The following EPAS1 variants were observed in gnomAD, a reference collection of about 807,000 sequenced individuals.
EPAS1 encodes the protein endothelial PAS domain protein 1.
EPAS1 carries 23 observed loss-of-function variants against 87.9 expected under a neutral mutation model. That is an observed-to-expected ratio of 0.26 (90% CI 0.19 to 0.37). EPAS1 has a LOEUF of 0.37. Among genes scored for constraint, EPAS1 ranks in the 10% least tolerant of loss-of-function variants. The pLI is 1.00. For synonymous variants in EPAS1, 508 were observed against 444.3 expected (o/e 1.14, Z -1.80); for missense variants, 1,138 against 1,120.7 (o/e 1.02, Z -0.22).
In EPAS1 at chr2:46,299,589, G is replaced by T. The variant is rs142105585; in HGVS notation, c.26+1652G>T. 1.7e-4 allele frequency among the ~76,000 whole-genome samples: 26 copies of T among 152,218 alleles called. 1 individual carries two copies. The highest frequency in any genetic ancestry group is 6.3e-4 in the African/African-American group (26 of 41,432). ...GCCTGCAGACGCTTTCGGGTCCGGA[G>T]CCGGGGAGGGAACTTGTGTATTTTA... On this transcript the variant is annotated intron_variant, in intron 1 of 15. Coordinates refer to ENST00000263734, the MANE Select transcript of EPAS1 (RefSeq NM_001430.5).
intron 15 of EPAS1, among the ~76,000 whole-genome samples, chr2:46,384,276 G>T (rs1441321999): frequency 6.6e-6 from 1 of 152,168 alleles, no homozygotes; most frequent in African/African-American, 2.4e-5. Context: ...TACCTGTGCT[G>T]CAGCCCGCAC....
At chr2:46,320,925 C>A (rs4953340) in intron 1 of EPAS1, among the ~76,000 whole-genome samples, 6 of 151,930 alleles carry the variant, frequency 3.9e-5, no homozygotes, top group African/African-American at 1.2e-4. Flanking sequence ...ATTTTTAAGC[C>A]TGCAATTCAA....
In EPAS1 at chr2:46,346,525, C is replaced by G. The variant is rs1238964517; in HGVS notation, c.27-348C>G. On this transcript the variant is annotated intron_variant, in intron 1 of 15. Transcript: ENST00000263734. This position sits in a 1 kb window ranked among gnomAD's most constrained non-coding sequence, Gnocchi z 4.0. ...AGCTTCCTTACCCTTCTCTTTCCAT[C>G]CCTGGACATTCACCCCTATCCCCAG... Among the ~76,000 whole-genome samples the G allele has an allele frequency of 1.3e-5, 2 of 152,224 alleles. No homozygotes were observed. Among genetic ancestry groups the G allele is most frequent in the African/African-American group, 4.8e-5 (2 of 41,456 alleles).
chr2:46,349,071 T>C (rs562447968), intron 2 of EPAS1, among the ~76,000 whole-genome samples: 47 of 152,088 alleles, frequency 3.1e-4, no homozygotes, highest in Middle Eastern at 3.4e-3. Flanking sequence ...AAAACAGACA[T>C]GGGACAGCAA....
rs998183288 is a variant in EPAS1, at chr2:46,300,004, C to G, written c.26+2067C>G. 1.3e-5 allele frequency among the ~76,000 whole-genome samples: 2 copies of G among 152,232 alleles called. No homozygotes were observed. Among genetic ancestry groups the G allele is most frequent in the East Asian group, 3.8e-4 (2 of 5,200 alleles). ...CGCGAGGGTGTCCGCCCTCTTCGAC[C>G]TGCCTGGATTTTTGTGCTGCAGAAT... On this transcript the variant is annotated intron_variant, in intron 1 of 15. Coordinates refer to ENST00000263734, the MANE Select transcript of EPAS1 (RefSeq NM_001430.5). This position sits in a 1 kb window ranked among gnomAD's most constrained non-coding sequence, Gnocchi z 4.1.
intron 1 of EPAS1, among the ~76,000 whole-genome samples, chr2:46,315,804 C>T (rs1163327245): frequency 2.6e-5 from 4 of 152,188 alleles, no homozygotes; most frequent in Non-Finnish European, 5.9e-5. Flanking sequence ...GGGGCAGAGC[C>T]CCCTCAAATT....
chr2:46,379,701 GA>G (rs992756399), intron 11 of EPAS1: 1 of 180,944 alleles, frequency 5.5e-6, no homozygotes, highest in African/African-American at 2.4e-5. Context: ...CTGCTGATTG[GA>G]ACCAAAGTCT....
At chr2:46,302,696 G>A (rs572373482) in intron 1 of EPAS1, among the ~76,000 whole-genome samples, 5 of 141,766 alleles carry the variant, frequency 3.5e-5, no homozygotes, top group South Asian at 4.6e-4. Context: ...AGAAATAGGG[G>A]ATATGGTCCT....
chr2:46,360,927 C>T lies in EPAS1; in HGVS notation c.616C>T (p.Pro206Ser). The change falls in exon 6 of 16, where the codon CCT (proline) becomes TCT (serine). Residue 206 changes from proline to serine, a missense_variant. Physicochemically the swap from Pro to Ser is moderately conservative, Grantham distance 74 (BLOSUM62 -1). Coordinates refer to ENST00000263734, the MANE Select transcript of EPAS1 (RefSeq NM_001430.5). This position sits in a 1 kb window ranked among gnomAD's most constrained non-coding sequence, Gnocchi z 4.5. The part of the protein sequence containing the change: ...TGQVKVYNNC[P>S]PHNSLCGYKE... ...CCAGGTGAAAGTCTACAACAACTGCCCTCCTCACAATAGTCTGTGTGGCTA... is the reference window on the plus strand; with the variant it reads ...CCAGGTGAAAGTCTACAACAACTGCTCTCCTCACAATAGTCTGTGTGGCTA... 2 of 1,614,214 alleles carry T rather than the reference C, an allele frequency of 1.2e-6. No individual in the cohort carries two copies. Among genetic ancestry groups the T allele is most frequent in the Non-Finnish European group, 8.5e-7 (1 of 1,180,042 alleles).
chr2:46,319,484 TATC>T (rs1683412327), intron 1 of EPAS1, among the ~76,000 whole-genome samples: 2 of 152,266 alleles, frequency 1.3e-5, no homozygotes, highest in Admixed American at 6.5e-5. Context: ...TTAAAGAAAG[TATC>T]ATTCAGATTT....
At chr2:46,299,074 G>A (rs895036998) in intron 1 of EPAS1, among the ~76,000 whole-genome samples, 1 of 152,250 alleles carries the variant, frequency 6.6e-6, no homozygotes, top group African/African-American at 2.4e-5. Flanking sequence ...GCGAGGATGA[G>A]GAGGACCGAC....
In EPAS1 at chr2:46,356,139, C is replaced by CA. The variant is rs61586942; in HGVS notation, c.218-12_218-11insA. ...CATTCATGCAAGCTGTCCCACCCCC[C>CA]CCCCTTTCCAGTTTGCTCTGAAAAC... On this transcript the variant is annotated splice_polypyrimidine_tract_variant and intron_variant, in intron 2 of 15. Transcript: ENST00000263734. 6.8e-5 allele frequency: 92 copies of CA among 1,354,430 alleles called. No individual in the cohort carries two copies. In the Admixed American group the frequency reaches 1.0e-3, roughly 15 times the overall value. 83.9% of individuals were successfully genotyped at this position (1,354,430 alleles called of 1,614,324 possible). A position where few individuals can be genotyped will look rare whatever the true frequency, so the allele number is the denominator to read the frequency against.
intron 1 of EPAS1, among the ~76,000 whole-genome samples, chr2:46,303,967 C>A (rs764797974): frequency 5.9e-5 from 9 of 152,232 alleles, no homozygotes; most frequent in African/African-American, 1.9e-4. Context: ...ACCTACATGT[C>A]TGCCCTCAGT....
Position 46,380,071 on chromosome 2 carries a change from G to A in EPAS1, c.1555-156G>A, listed in dbSNP as rs187599479. 2.5e-6 allele frequency: 3 copies of A among 1,216,712 alleles called. No individual in the cohort carries two copies. The East Asian group carries it at 7.0e-5, about 28-fold the overall frequency. 75.4% of individuals were successfully genotyped at this position (1,216,712 alleles called of 1,614,324 possible). The stretch of plus-strand genomic sequence containing the variant: ...GTGTACATGACACAGCCAAGTCTGA[G>A]GTTTTCCTGATAGGCCCTCGGGAGC... On this transcript the variant is annotated intron_variant, in intron 11 of 15. Transcript: ENST00000263734. This position sits in a 1 kb window ranked among gnomAD's most constrained non-coding sequence, Gnocchi z 4.4.
rs368272792 is a variant in EPAS1 at position 46,377,956 on chromosome 2, T to C, written c.1312T>C (p.Trp438Arg). 12 of 1,562,750 alleles carry C rather than the reference T, an allele frequency of 7.7e-6. No individual in the cohort carries two copies. Among genetic ancestry groups the C allele is most frequent in the Admixed American group, 1.9e-5 (1 of 52,820 alleles). ...GGCCATCCTGCCCCCGAGCCAGCCA[T>C]GGGCCACGGAGTTGAGGAGCCACAG... ...GKAILPPSQP[W>R]ATELRSHSTQ... The change falls in exon 10 of 16, where the codon TGG becomes CGG. Residue 438 changes from tryptophan (W) to arginine (R), a missense_variant. Around this residue, in one of 4 missense-constraint regions of EPAS1, gnomAD observed 284 missense variants for 258.4 expected, o/e 1.10. Transcript: ENST00000263734.
At chr2:46,309,918 C>G (rs1474512187) in intron 1 of EPAS1, among the ~76,000 whole-genome samples, 1 of 152,186 alleles carries the variant, frequency 6.6e-6, no homozygotes, top group Non-Finnish European at 1.5e-5. Flanking sequence ...ATTAGCCCTC[C>G]AACCAGAAGC....
rs550424250 is a variant in EPAS1, at chr2:46,309,620, G to T, written c.26+11683G>T. ...TGAAGATTAGGTAGAATTTGGATAG[G>T]CAGATGAGTATGGGGCATTCCATTT... On this transcript the variant is annotated intron_variant, in intron 1 of 15. Coordinates refer to ENST00000263734, the MANE Select transcript of EPAS1 (RefSeq NM_001430.5). Among the ~76,000 whole-genome samples the T allele has an allele frequency of 3.9e-5, 6 of 152,314 alleles. No individual in the cohort carries two copies. In the South Asian group the frequency reaches 1.2e-3, roughly 32 times the overall value.
At position 46,347,647 on chromosome 2, in the gene EPAS1, T is replaced by G. The variant is rs1684060598; in HGVS notation, c.217+584T>G. ...AAGCACCTGGCCTGGCTGAGCTCAC[T>G]CACACTGGGGAGTCCTTGACATCAC... On this transcript the variant is annotated intron_variant, in intron 2 of 15. Transcript: ENST00000263734. This position sits in a 1 kb window ranked among gnomAD's most constrained non-coding sequence, Gnocchi z 4.2. 1 of 167,558 alleles carries G rather than the reference T, an allele frequency of 6.0e-6. No individual in the cohort carries two copies. Among genetic ancestry groups the G allele is most frequent in the African/African-American group, 2.4e-5 (1 of 41,794 alleles). 10.4% of individuals were successfully genotyped at this position (167,558 alleles called of 1,614,324 possible).
At chr2:46,358,533 G>A (rs1011816690) in intron 4 of EPAS1, among the ~76,000 whole-genome samples, 6 of 152,338 alleles carry the variant, frequency 3.9e-5, no homozygotes, top group African/African-American at 1.4e-4. Context: ...ACTGACCATA[G>A]TCTGAGTTTG....
Sources: allele counts gnomAD v4.1 joint callset (sites outside exome capture counted in the v4.1 genomes callset), GRCh38; gene constraint gnomAD v4.1.1; regional missense constraint gnomAD v4.1.1; non-coding constraint Gnocchi (gnomAD v3.1); transcripts MANE v1.5; gene names NCBI Gene and HGNC (gene_info 2026-07-23, HGNC 2026-07-21).